The following FSHR variants were observed in gnomAD, a reference collection of about 807,000 sequenced individuals.
FSHR encodes follicle stimulating hormone receptor, also known as follicle-stimulating hormone receptor.
Under a neutral mutation model 52.1 loss-of-function variants are expected in FSHR, and 46 were observed. That is an observed-to-expected ratio of 0.88 (90% CI 0.70 to 1.13). FSHR has a LOEUF of 1.13. Among genes scored for constraint, FSHR ranks in the 50% most tolerant of loss-of-function variants. FSHR has a pLI of 0.00. For synonymous variants in FSHR, 399 were observed against 309.6 expected (o/e 1.29, Z -3.03); for missense variants, 964 against 834.6 (o/e 1.16, Z -1.91).
chr2:49,053,550 T>C (rs527265172), intron 2 of FSHR, among the ~76,000 whole-genome samples: 10 of 152,284 alleles, frequency 6.6e-5, no homozygotes, highest in Admixed American at 5.9e-4. Context: ...GCAGAGAGTT[T>C]AATGATTTCT....
At position 48,963,484 on chromosome 2, in the gene FSHR, C is replaced by T; in HGVS notation, c.1337G>A (p.Gly446Asp). The change falls in exon 10 of 10, where the codon GGC becomes GAC. Residue 446 changes from glycine (G) to aspartate (D), a missense_variant. Gly to Asp is a moderately conservative substitution (Grantham distance 94). Transcript: ENST00000406846. ...CTCACTGGCAAAGACAGTGAAAAAGCCAGCAGCATCACAGCCTGCCCCAGT... is the reference window on the plus strand; with the variant it reads ...CTCACTGGCAAAGACAGTGAAAAAGTCAGCAGCATCACAGCCTGCCCCAGT... ...WQTGAGCDAA[G>D]FFTVFASELS... The T allele has an allele frequency of 6.2e-7, 1 of 1,614,162 alleles. No homozygotes were observed. The highest frequency in any genetic ancestry group is 1.1e-5 in the South Asian group (1 of 91,088).
chr2:49,126,274 G>A (rs897387548), intron 1 of FSHR, among the ~76,000 whole-genome samples: 2 of 151,728 alleles, frequency 1.3e-5, no homozygotes, highest in Non-Finnish European at 2.9e-5. Context: ...ATCCCATGGG[G>A]GAGGGTGGAA....
intron 2 of FSHR, among the ~76,000 whole-genome samples, chr2:49,032,204 T>G (rs571599429): frequency 2.6e-5 from 4 of 152,326 alleles, no homozygotes; most frequent in African/African-American, 9.6e-5. Context: ...TTAAGACATT[T>G]TCCTTTCTCT....
intron 9 of FSHR, among the ~76,000 whole-genome samples, chr2:48,967,075 C>T (rs1197725925): frequency 6.6e-6 from 1 of 152,164 alleles, no homozygotes; most frequent in African/African-American, 2.4e-5. Flanking sequence ...ACACTGCAAG[C>T]TGCTCTCACA....
At chr2:48,986,099 T>A (rs1675502595) in intron 6 of FSHR, among the ~76,000 whole-genome samples, 2 of 152,174 alleles carry the variant, frequency 1.3e-5, no homozygotes, top group Admixed American at 1.3e-4. Flanking sequence ...ATAACCATAG[T>A]ACCCAATAGA....
chr2:49,051,253 A>G (rs1668845487), intron 2 of FSHR, among the ~76,000 whole-genome samples: 1 of 152,136 alleles, frequency 6.6e-6, no homozygotes, highest in Non-Finnish European at 1.5e-5. Context: ...TCAATATAAG[A>G]AACTGACAAA....
chr2:48,971,311 T>A (rs968339841), intron 8 of FSHR, among the ~76,000 whole-genome samples: 10 of 152,184 alleles, frequency 6.6e-5, no homozygotes, highest in Non-Finnish European at 1.2e-4. Flanking sequence ...TAGGTAAAAG[T>A]GCAAATCTCA....
At chr2:48,976,920 C>G (rs925693555) in intron 8 of FSHR, among the ~76,000 whole-genome samples, 9 of 151,946 alleles carry the variant, frequency 5.9e-5, no homozygotes, top group Non-Finnish European at 4.4e-5. Flanking sequence ...TTGTTATTCT[C>G]TTCCAAAAGC....
chr2:49,033,462 T>G (rs1668173342), intron 2 of FSHR, among the ~76,000 whole-genome samples: 1 of 152,168 alleles, frequency 6.6e-6, no homozygotes, highest in Non-Finnish European at 1.5e-5. Context: ...ATCACCAATT[T>G]GAAAGTGAGA....
rs201903308 is a variant in FSHR, at chr2:48,963,144, G to A, written c.1677C>T (p.Pro559=). 9.7e-5 allele frequency: 156 copies of A among 1,613,982 alleles called. No homozygotes were observed. The highest frequency in any genetic ancestry group is 5.0e-5 in the Admixed American group (3 of 59,986). ...TGTCACTAGAGGAGGACACGATGTT[G>A]GGGTTCCGCACTGTGAGGTAGATGT... is the stretch of plus-strand genomic sequence containing the variant. ...YIHIYLTVRN[P]NIVSSSSDTR... Residue 559 remains proline (P), a synonymous_variant, in exon 10 of 10, where the codon CCC becomes CCT. Transcript: ENST00000406846.
intron 1 of FSHR, among the ~76,000 whole-genome samples, chr2:49,094,818 A>T: frequency 6.6e-6 from 1 of 152,232 alleles, no homozygotes; most frequent in Admixed American, 6.5e-5. Flanking sequence ...AATAGAGAAT[A>T]GAAAAACAAT....
At chr2:49,079,848 T>G (rs151247128) in intron 1 of FSHR, among the ~76,000 whole-genome samples, 24 of 152,152 alleles carry the variant, frequency 1.6e-4, no homozygotes, top group East Asian at 9.6e-4. Flanking sequence ...GCACTAAAAT[T>G]GAAAAATTAA....
chr2:49,049,661 T>C (rs889278933), intron 2 of FSHR, among the ~76,000 whole-genome samples: 2 of 152,098 alleles, frequency 1.3e-5, no homozygotes, highest in African/African-American at 2.4e-5. Flanking sequence ...ATTTTCTTCG[T>C]TGTAATCCCT....
intron 2 of FSHR, among the ~76,000 whole-genome samples, chr2:49,063,432 C>CTA (rs34150512): frequency 0.022 from 3,254 of 148,986 alleles, 70 homozygotes; most frequent in African/African-American, 0.056. Flanking sequence ...AAAGAAAATG[C>CTA]TATATATATA....
intron 8 of FSHR, among the ~76,000 whole-genome samples, chr2:48,982,657 C>T (rs1045560146): frequency 6.6e-6 from 1 of 152,162 alleles, no homozygotes; most frequent in Non-Finnish European, 1.5e-5. Flanking sequence ...CAAGAAAATG[C>T]ATCTTAACTT....
intron 7 of FSHR, 44 bp downstream of exon 7, chr2:48,983,054 C>T: frequency 1.2e-6 from 2 of 1,609,556 alleles, no homozygotes; most frequent in Admixed American, 1.7e-5. Context: ...TTGTAAGAGC[C>T]ATTTCCCTTT....
intron 1 of FSHR, among the ~76,000 whole-genome samples, chr2:49,133,481 T>C (rs1272911932): frequency 6.6e-6 from 1 of 152,168 alleles, no homozygotes; most frequent in African/African-American, 2.4e-5. Context: ...ATCATCAAAA[T>C]GGCCATGCTG....
At chr2:49,030,041 C>T (rs1231393537) in intron 2 of FSHR, among the ~76,000 whole-genome samples, 1 of 152,172 alleles carries the variant, frequency 6.6e-6, no homozygotes, top group African/African-American at 2.4e-5. Flanking sequence ...GGCTCTGCGG[C>T]AGACCTATCA....
intron 1 of FSHR, among the ~76,000 whole-genome samples, chr2:49,152,850 T>C (rs1317154388): frequency 2.6e-5 from 4 of 152,210 alleles, no homozygotes; most frequent in African/African-American, 9.6e-5. Context: ...AGGGGTTAAG[T>C]AATCACTGAA....
Sources: gnomAD v4.1 joint callset for allele counts (sites outside exome capture counted in the v4.1 genomes callset) on GRCh38, gnomAD v4.1.1 for gene constraint, MANE v1.5 for transcripts, NCBI Gene and HGNC (gene_info 2026-07-23, HGNC 2026-07-21) for gene names.